CDH12: variants seen among roughly 807,000 people sequenced by gnomAD.
CDH12 encodes the protein cadherin 12, also known as cadherin-12.
A neutral mutation model predicts 74.1 loss-of-function variants in CDH12; 41 were observed. That is an observed-to-expected ratio of 0.55 (90% CI 0.43 to 0.72). The LOEUF is 0.72. Ranked by LOEUF, CDH12 falls within the 30% of genes least tolerant of loss-of-function variation. The probability of loss-of-function intolerance (pLI) is 0.00; values close to 1 mark genes in which losing one functional copy is unlikely to be tolerated. For missense variants in CDH12, 945 were observed against 977.2 expected, an observed-to-expected ratio of 0.97 and a Z score of 0.44; for synonymous variants, 399 against 355.0, an observed-to-expected ratio of 1.12 and a Z score of -1.39.
At chr5:22,819,694 C>A (rs1367885189) in intron 1 of CDH12, among the ~76,000 whole-genome samples, 1 of 151,384 alleles carries the variant, frequency 6.6e-6, no homozygotes, top group Non-Finnish European at 1.5e-5. Flanking sequence ...AGACATGTAA[C>A]AAATGTGAAA....
intron 1 of CDH12, among the ~76,000 whole-genome samples, chr5:22,796,984 G>T (rs981328985): frequency 6.6e-6 from 1 of 151,926 alleles, no homozygotes; most frequent in South Asian, 2.1e-4. Context: ...GTTAATAATG[G>T]GTGGTCTTAT....
At chr5:22,325,835 G>T (rs1012224319) in intron 3 of CDH12, among the ~76,000 whole-genome samples, 8 of 152,096 alleles carry the variant, frequency 5.3e-5, no homozygotes, top group Non-Finnish European at 1.0e-4. Context: ...GTGAACCCGG[G>T]AGGCGGAGCT....
intron 1 of CDH12, among the ~76,000 whole-genome samples, chr5:22,680,033 G>T (rs1385338917): frequency 1.3e-5 from 2 of 152,068 alleles, no homozygotes; most frequent in African/African-American, 4.8e-5. Flanking sequence ...TAAACAGATA[G>T]CAACAGTGTC....
At chr5:22,004,397 C>T (rs927067954) in intron 5 of CDH12, among the ~76,000 whole-genome samples, 6 of 152,120 alleles carry the variant, frequency 3.9e-5, no homozygotes, top group African/African-American at 1.4e-4. Flanking sequence ...CTCAGTCAAA[C>T]CTAAATCCTT....
At chr5:22,528,248 A>T (rs1030368709) in intron 1 of CDH12, among the ~76,000 whole-genome samples, 7 of 152,144 alleles carry the variant, frequency 4.6e-5, no homozygotes, top group African/African-American at 1.7e-4. Context: ...TCACTCTGAA[A>T]AGCAGAGAGG....
chr5:22,219,909 C>T (rs1232522727), intron 3 of CDH12, among the ~76,000 whole-genome samples: 1 of 151,550 alleles, frequency 6.6e-6, no homozygotes, highest in Non-Finnish European at 1.5e-5. Flanking sequence ...AATGAGCTAC[C>T]AGCTATAATT....
At chr5:21,848,870 G>T (rs1236152197) in intron 7 of CDH12, among the ~76,000 whole-genome samples, 3 of 151,684 alleles carry the variant, frequency 2.0e-5, no homozygotes, top group African/African-American at 7.3e-5. Context: ...ATCTTCTGAA[G>T]ACCTGATGAG....
At chr5:22,040,212 C>G (rs1580155119) in intron 5 of CDH12, among the ~76,000 whole-genome samples, 1 of 151,472 alleles carries the variant, frequency 6.6e-6, no homozygotes, top group Non-Finnish European at 1.5e-5. Context: ...ACAGGTCAAG[C>G]AGAAGAAACA....
At chr5:22,818,228 C>T (rs1303669071) in intron 1 of CDH12, among the ~76,000 whole-genome samples, 1 of 152,160 alleles carries the variant, frequency 6.6e-6, no homozygotes, top group Non-Finnish European at 1.5e-5. Flanking sequence ...CCATACAAGA[C>T]ACTACAAAGT....
chr5:21,793,660 T>C (rs1439930541), intron 10 of CDH12, among the ~76,000 whole-genome samples: 1 of 151,632 alleles, frequency 6.6e-6, no homozygotes, highest in Non-Finnish European at 1.5e-5. Context: ...ATTTGAAACC[T>C]AAATATAGAC....
At chr5:22,736,327 A>AT (rs964675217) in intron 1 of CDH12, among the ~76,000 whole-genome samples, 3 of 151,872 alleles carry the variant, frequency 2.0e-5, no homozygotes, top group South Asian at 2.1e-4. Context: ...GTATATATGT[A>AT]TTTTTTTAAG....
chr5:21,897,728 G>T (rs946609567), intron 6 of CDH12, among the ~76,000 whole-genome samples: 5 of 152,048 alleles, frequency 3.3e-5, no homozygotes, highest in East Asian at 3.9e-4. Flanking sequence ...AAAACTCAAG[G>T]TTACAAAACA....
rs1265354076 is a variant in CDH12, at chr5:22,053,513, C to CG, written c.231+24932dup. Among the ~76,000 whole-genome samples, 686 of 152,140 alleles carry CG rather than the reference C, an allele frequency of 4.5e-3. 8 individuals are homozygous for CG. The highest frequency in any genetic ancestry group is 0.016 in the African/African-American group (657 of 41,526). On this transcript the variant is annotated intron_variant, in intron 5 of 14. Coordinates refer to ENST00000382254, the MANE Select transcript of CDH12 (RefSeq NM_004061.5). ...ATGCAGGTACAGCTTCTGTGTATCACGGTGGCTGCCATTCTGGCTTTCTAT... is the reference window on the plus strand; with the variant it reads ...ATGCAGGTACAGCTTCTGTGTATCACGGGTGGCTGCCATTCTGGCTTTCTAT...
chr5:22,545,856 T>C (rs1368966242), intron 1 of CDH12, among the ~76,000 whole-genome samples: 1 of 152,098 alleles, frequency 6.6e-6, no homozygotes, highest in Non-Finnish European at 1.5e-5. Context: ...TGGTGAAAAA[T>C]GTGCAGTACT....
At chr5:21,814,200 A>G (rs1337351669) in intron 9 of CDH12, among the ~76,000 whole-genome samples, 3 of 151,328 alleles carry the variant, frequency 2.0e-5, no homozygotes, top group African/African-American at 7.3e-5. Flanking sequence ...ATTTGCAGAT[A>G]TACTTTCAAG....
intron 1 of CDH12, among the ~76,000 whole-genome samples, chr5:22,543,920 A>T (rs1462798410): frequency 6.6e-6 from 1 of 151,900 alleles, no homozygotes; most frequent in African/African-American, 2.4e-5. Context: ...TTTTTTCACA[A>T]GTAGCTCCTG....
intron 6 of CDH12, among the ~76,000 whole-genome samples, chr5:21,920,292 A>T (rs1373314467): frequency 6.6e-6 from 1 of 152,228 alleles, no homozygotes; most frequent in Non-Finnish European, 1.5e-5. Flanking sequence ...ACCAATTACA[A>T]TAAATGGAAG....
intron 8 of CDH12, among the ~76,000 whole-genome samples, chr5:21,831,126 C>A (rs192580867): frequency 2.5e-3 from 373 of 152,032 alleles, no homozygotes; most frequent in Non-Finnish European, 3.9e-3. Flanking sequence ...AAAACAATGT[C>A]GTTTTAGCTT....
At chr5:21,950,420 G>C (rs532488653) in intron 6 of CDH12, among the ~76,000 whole-genome samples, 3 of 151,798 alleles carry the variant, frequency 2.0e-5, no homozygotes, top group Admixed American at 2.0e-4. Context: ...AAGACACAGA[G>C]GAATAAGAAA....
Sources: gnomAD v4.1 joint callset for allele counts (sites outside exome capture counted in the v4.1 genomes callset) on GRCh38, gnomAD v4.1.1 for gene constraint, MANE v1.5 for transcripts, NCBI Gene and HGNC (gene_info 2026-07-23, HGNC 2026-07-21) for gene names.